The following UNC13D variants were observed in gnomAD, a reference collection of about 807,000 sequenced individuals.
The protein encoded by UNC13D is unc-13 homolog D, also known as protein unc-13 homolog D.
UNC13D carries 115 observed loss-of-function variants against 151.7 expected under a neutral mutation model. The observed-to-expected ratio is 0.76, with a 90% confidence interval of 0.65 to 0.88. The LOEUF (loss-of-function observed/expected upper bound fraction) is 0.88. UNC13D is among the 40% of genes least tolerant of loss of function. UNC13D has a pLI of 0.00. For missense variants in UNC13D, 1,369 were observed against 1,438.7 expected, an observed-to-expected ratio of 0.95 and a Z score of 0.78; for synonymous variants, 588 against 612.2, an observed-to-expected ratio of 0.96 and a Z score of 0.58.
chr17:75,839,676 C>T (rs2064933435), intron 12 of UNC13D, among the ~76,000 whole-genome samples, 163 bp downstream of exon 12: 1 of 152,132 alleles, frequency 6.6e-6, no homozygotes, highest in Non-Finnish European at 1.5e-5. Context: ...TCAGCCGAAT[C>T]TCTAGACTTT....
At chr17:75,829,972 G>C (rs2062149715) in intron 30 of UNC13D, 56 bp downstream of exon 30, 2 of 1,557,250 alleles carry the variant, frequency 1.3e-6, no homozygotes, top group South Asian at 1.2e-5. Flanking sequence ...AGGCCTGAGG[G>C]AGCCCAGTGG....
chr17:75,834,597 C>G (rs2064894008), intron 22 of UNC13D, 21 bp downstream of exon 22: 1 of 1,613,556 alleles, frequency 6.2e-7, no homozygotes, highest in South Asian at 1.1e-5. Flanking sequence ...GCTAGACTCC[C>G]AGCCCCAGCT....
chr17:75,835,678 G>A lies in UNC13D; in HGVS notation c.1696C>T (p.Leu566Phe). ...LFQLYISLKE[L>F]CQLRMSSSER... ...GAGGAGCTCATGCGCAGCTGGCAGA[G>A]CTCCTTGAGGCTGATGTAGAGCTGG... The change falls in exon 19 of 32, where the codon CTC becomes TTC. Residue 566 changes from leucine (L) to phenylalanine (F), a missense_variant. Around this residue, in one of 3 missense-constraint regions of UNC13D, gnomAD observed 807 missense variants for 795.5 expected, o/e 1.01. Transcript: ENST00000207549. 1 of 1,613,456 alleles carries A rather than the reference G, an allele frequency of 6.2e-7. No individual in the cohort carries two copies. The highest frequency in any genetic ancestry group is 8.5e-7 in the Non-Finnish European group (1 of 1,180,040).
At chr17:75,843,132 G>C in intron 3 of UNC13D, 27 bp downstream of exon 3, 3 of 1,610,086 alleles carry the variant, frequency 1.9e-6, no homozygotes, top group Non-Finnish European at 2.5e-6. Context: ...GCTGCAGGAA[G>C]GGGGGTGGGG....
Position 75,840,677 on chromosome 17 carries a change from T to C in UNC13D, c.683+85A>G. On this transcript the variant is annotated intron_variant, in intron 8 of 31. Transcript: ENST00000207549. The surrounding 1 kb of genome is among the most constrained non-coding windows in gnomAD (Gnocchi z 4.6). Reference sequence around the variant, plus strand: ...CAGCCACCTGGACCCCAAAGGAGCCTGCACCCCAGCATCCAGTGTGCATGT... The same window carrying C: ...CAGCCACCTGGACCCCAAAGGAGCCCGCACCCCAGCATCCAGTGTGCATGT... 6.2e-7 allele frequency: 1 copy of C among 1,611,072 alleles called. No individual in the cohort carries two copies. The highest frequency in any genetic ancestry group is 8.5e-7 in the Non-Finnish European group (1 of 1,177,736).
chr17:75,843,463 C>A lies in UNC13D; in HGVS notation c.153+21G>T, dbSNP rs754986600. The A allele has an allele frequency of 1.4e-5, 23 of 1,601,658 alleles. No homozygotes were observed. In the Admixed American group the frequency reaches 3.8e-4, roughly 26 times the overall value. ...CAGCCGCCCTCCCCACCTCTCTGCA[C>A]CCCAGCACTCTGACTCTTACCTGCT... On this transcript the variant is annotated intron_variant, in intron 2 of 31. Coordinates refer to ENST00000207549, the MANE Select transcript of UNC13D (RefSeq NM_199242.3).
At chr17:75,830,881 A>C (rs565810270) in intron 27 of UNC13D, among the ~76,000 whole-genome samples, 14 of 151,560 alleles carry the variant, frequency 9.2e-5, no homozygotes, top group Non-Finnish European at 1.5e-4. Flanking sequence ...CCCACCCCCC[A>C]TGCGGGCACA....
intron 26 of UNC13D, 30 bp downstream of exon 26, chr17:75,831,213 G>C (rs2064870188): frequency 1.9e-6 from 3 of 1,614,100 alleles, no homozygotes; most frequent in Non-Finnish European, 2.5e-6. Context: ...CTCCCACCAG[G>C]GTTATCATTG....
At chr17:75,839,156 A>T (rs1484469219) in intron 12 of UNC13D, among the ~76,000 whole-genome samples, 1 of 151,986 alleles carries the variant, frequency 6.6e-6, no homozygotes, top group Non-Finnish European at 1.5e-5. Context: ...TAATCTCAGC[A>T]CTTTGAGAGG....
rs776985159 is a variant in UNC13D at position 75,835,480 on chromosome 17, T to C, written c.1777A>G (p.Ile593Val). 7 of 1,612,176 alleles carry C rather than the reference T, an allele frequency of 4.3e-6. No individual in the cohort carries two copies. The highest frequency in any genetic ancestry group is 1.1e-5 in the South Asian group (1 of 90,924). The stretch of plus-strand genomic sequence containing the variant: ...TACGTCTTCTGCAGCCAGGAGGGGA[T>C]GGCCGGCTGGAACCAGCGGTGGAAA... Reference protein sequence around the residue: ...DNFHRWFQPAIPSWLQKTYNE... With the variant: ...DNFHRWFQPAVPSWLQKTYNE... The change falls in exon 20 of 32, where the codon ATC (isoleucine) becomes GTC (valine). Residue 593 changes from isoleucine to valine, a missense_variant. Around this residue, in one of 3 missense-constraint regions of UNC13D, gnomAD observed 807 missense variants for 795.5 expected, o/e 1.01. Transcript: ENST00000207549.
At chr17:75,834,887 AAG>A (rs1316496401) in intron 21 of UNC13D, 31 bp downstream of exon 21, 3 of 1,613,582 alleles carry the variant, frequency 1.9e-6, no homozygotes, top group Admixed American at 1.7e-5. Context: ...CTGTTCTAGA[AAG>A]AGGGGGAAGG....
At position 75,828,816 on chromosome 17, in the gene UNC13D, C is replaced by A. The variant is rs374478310; in HGVS notation, c.3122G>T (p.Arg1041Leu). The change falls in exon 31 of 32, where the codon CGC (arginine) becomes CTC (leucine). Residue 1041 changes from arginine (R) to leucine (L), a missense_variant. Arg to Leu is a moderately radical substitution (Grantham distance 102). Transcript: ENST00000207549. ...SEEPGEVPQT[R>L]LPLTYPAPNG... is the part of the protein sequence containing the mutation. ...GGGTGCGGGGTACGTGAGGGGCAGGCGGGTCTGAGGCACCTCACCAGGCTC... is the reference window on the plus strand; with the variant it reads ...GGGTGCGGGGTACGTGAGGGGCAGGAGGGTCTGAGGCACCTCACCAGGCTC... The A allele has an allele frequency of 1.3e-6, 2 of 1,560,200 alleles. No homozygotes were observed. Among genetic ancestry groups the A allele is most frequent in the South Asian group, 2.3e-5 (2 of 86,000 alleles).
intron 31 of UNC13D, 21 bp from the exon 32 acceptor site, chr17:75,828,107 G>A: frequency 6.4e-7 from 1 of 1,569,368 alleles, no homozygotes; most frequent in Non-Finnish European, 8.6e-7. Flanking sequence ...AGGGGTTTGG[G>A]GGTCAGATGC....
chr17:75,829,291 A>G (rs2062144198), intron 30 of UNC13D, among the ~76,000 whole-genome samples: 1 of 152,146 alleles, frequency 6.6e-6, no homozygotes, highest in Non-Finnish European at 1.5e-5. Flanking sequence ...CCCTTCCCCC[A>G]AGGGAAGCAA....
At chr17:75,836,757 C>T (rs773058056) in intron 13 of UNC13D, 44 bp downstream of exon 13, 2 of 1,613,580 alleles carry the variant, frequency 1.2e-6, no homozygotes, top group South Asian at 2.2e-5. Context: ...CTGCCCCTTC[C>T]CTGAGCCCTG....
At chr17:75,828,474 T>C (rs2062139128) in intron 31 of UNC13D, among the ~76,000 whole-genome samples, 1 of 152,180 alleles carries the variant, frequency 6.6e-6, no homozygotes. Context: ...CACTTGCTCA[T>C]AATAAGTGCA....
chr17:75,827,618 A>G lies in UNC13D; in HGVS notation c.*347T>C, dbSNP rs1424831298. 2.0e-6 allele frequency: 3 copies of G among 1,535,472 alleles called. No homozygotes were observed. The highest frequency in any genetic ancestry group is 2.6e-6 in the Non-Finnish European group (3 of 1,146,746). ...CAGTGGCTGGAACAGGAAGGCCAGG[A>G]GGCAGATGGGCCAGGGCCAGGAGAC... On this transcript the variant is annotated 3_prime_UTR_variant, in exon 32 of 32. Transcript: ENST00000207549.
intron 12 of UNC13D, 143 bp downstream of exon 12, chr17:75,839,696 G>T: frequency 1.1e-6 from 1 of 886,424 alleles, no homozygotes. Flanking sequence ...TTTAAAATTG[G>T]CAACTGATTC....
Position 75,840,203 on chromosome 17 carries a change from A to G in UNC13D, c.858+22T>C. 6.2e-7 allele frequency: 1 copy of G among 1,613,408 alleles called. No individual in the cohort carries two copies. Among genetic ancestry groups the G allele is most frequent in the African/African-American group, 1.3e-5 (1 of 75,034 alleles). On this transcript the variant is annotated intron_variant, in intron 10 of 31. Coordinates refer to ENST00000207549, the MANE Select transcript of UNC13D (RefSeq NM_199242.3). This position sits in a 1 kb window ranked among gnomAD's most constrained non-coding sequence, Gnocchi z 4.6. ...ACCGCCGCAAGAGCTGGGCATGGCC[A>G]CTGGCCCAGTACCCGACCTACCCGC...
Sources: gnomAD v4.1 joint callset for allele counts (sites outside exome capture counted in the v4.1 genomes callset) on GRCh38, gnomAD v4.1.1 for gene constraint, gnomAD v4.1.1 regional missense constraint, Gnocchi (gnomAD v3.1) non-coding constraint, MANE v1.5 for transcripts, NCBI Gene and HGNC (gene_info 2026-07-23, HGNC 2026-07-21) for gene names.